PLCB1: variants seen among roughly 807,000 people sequenced by gnomAD.
PLCB1 encodes the protein 1-phosphatidylinositol 4,5-bisphosphate phosphodiesterase beta-1.
Under a neutral mutation model 161.8 loss-of-function variants are expected in PLCB1, and 46 were observed. The ratio of observed to expected loss-of-function variants is 0.28; its 90% CI spans 0.22 to 0.36. The LOEUF (loss-of-function observed/expected upper bound fraction) is 0.36, where lower values mean the gene tolerates loss of function less well. PLCB1 is among the 10% of genes least tolerant of loss of function. PLCB1 has a pLI of 1.00. For synonymous variants in PLCB1, 517 were observed against 503.7 expected (o/e 1.03, Z -0.35); for missense variants, 1,016 against 1,472.5 (o/e 0.69, Z 5.07).
chr20:8,818,453 A>G (rs1985178857), intron 31 of PLCB1, among the ~76,000 whole-genome samples: 2 of 152,216 alleles, frequency 1.3e-5, no homozygotes, highest in African/African-American at 4.8e-5. Flanking sequence ...GCAGTAAGAC[A>G]AGAAGAATAA....
chr20:8,764,609 C>A (rs956297540), intron 25 of PLCB1, among the ~76,000 whole-genome samples: 1 of 152,136 alleles, frequency 6.6e-6, no homozygotes, highest in Non-Finnish European at 1.5e-5. Flanking sequence ...TTGCCCTCAA[C>A]CAAAAGGAAG....
chr20:8,600,374 G>C lies in PLCB1; in HGVS notation c.247-27920G>C, dbSNP rs1428007940. Reference sequence around the variant, plus strand: ...ATACCCTGCCGTGTGAGGTGTCAGTGTGCCCCTGCTGGGGGGTGCCTCCCA... The same window carrying C: ...ATACCCTGCCGTGTGAGGTGTCAGTCTGCCCCTGCTGGGGGGTGCCTCCCA... On this transcript the variant is annotated intron_variant, in intron 3 of 31. Coordinates refer to ENST00000338037, the MANE Select transcript of PLCB1 (RefSeq NM_015192.4). 2.9e-4 allele frequency among the ~76,000 whole-genome samples: 33 copies of C among 114,562 alleles called. 1 individual carries two copies. Among genetic ancestry groups the C allele is most frequent in the African/African-American group, 8.7e-4 (24 of 27,440 alleles). 75.2% of individuals were successfully genotyped at this position (114,562 alleles called of 152,430 possible). A position where few individuals can be genotyped will look rare whatever the true frequency, so the allele number is the denominator to read the frequency against.
chr20:8,523,867 A>G lies in PLCB1; in HGVS notation c.247-104427A>G, dbSNP rs1009158873. ...AGTGAGACACAGAGGAAGCAACTCCACGGATGCAGAAACCATGCCACCCAG... is the reference window on the plus strand; with the variant it reads ...AGTGAGACACAGAGGAAGCAACTCCGCGGATGCAGAAACCATGCCACCCAG... On this transcript the variant is annotated intron_variant, in intron 3 of 31. Coordinates refer to ENST00000338037, the MANE Select transcript of PLCB1 (RefSeq NM_015192.4). Among the ~76,000 whole-genome samples, 34 of 152,052 alleles carry G rather than the reference A, an allele frequency of 2.2e-4. 2 individuals are homozygous for G. The highest frequency in any genetic ancestry group is 2.0e-4 in the Admixed American group (3 of 15,244).
At chr20:8,271,959 G>A (rs1187100166) in intron 2 of PLCB1, among the ~76,000 whole-genome samples, 1 of 152,014 alleles carries the variant, frequency 6.6e-6, no homozygotes, top group Non-Finnish European at 1.5e-5. Context: ...AGATTTCTAA[G>A]GAATAATGAC....
intron 2 of PLCB1, among the ~76,000 whole-genome samples, chr20:8,232,048 A>C (rs887364030): frequency 6.6e-6 from 1 of 152,062 alleles, no homozygotes; most frequent in Non-Finnish European, 1.5e-5. Context: ...AACCTAAAAG[A>C]TTATGCATTC....
intron 3 of PLCB1, among the ~76,000 whole-genome samples, chr20:8,601,827 G>GA (rs1327964244): frequency 5.3e-5 from 8 of 152,214 alleles, no homozygotes; most frequent in South Asian, 2.1e-4. Context: ...GTTTGCAATG[G>GA]AAAATTTGTC....
intron 14 of PLCB1, 95 bp from the exon 15 acceptor site, chr20:8,722,259 A>G (rs1979683836): frequency 1.5e-5 from 13 of 896,134 alleles, no homozygotes; most frequent in Non-Finnish European, 2.2e-5. Context: ...TTCCAAGGAA[A>G]TCTGTAATTG....
intron 18 of PLCB1, 150 bp from the exon 19 acceptor site, chr20:8,733,088 C>T: frequency 2.6e-6 from 2 of 755,644 alleles, no homozygotes; most frequent in Admixed American, 2.7e-5. Flanking sequence ...TAATTTTTTT[C>T]TTATCTGTGT....
chr20:8,136,420 A>T (rs2051348307), intron 1 of PLCB1, among the ~76,000 whole-genome samples: 1 of 152,048 alleles, frequency 6.6e-6, no homozygotes, highest in African/African-American at 2.4e-5. Context: ...AGACCAGGAG[A>T]TCGAGACCAT....
At chr20:8,368,544 A>G (rs991121142) in intron 2 of PLCB1, among the ~76,000 whole-genome samples, 17 of 151,392 alleles carry the variant, frequency 1.1e-4, no homozygotes, top group African/African-American at 3.1e-4. Context: ...AAAAAAAAAA[A>G]AAAAAAGAAA....
chr20:8,292,508 G>T (rs937747235), intron 2 of PLCB1, among the ~76,000 whole-genome samples: 10 of 152,018 alleles, frequency 6.6e-5, no homozygotes, highest in Non-Finnish European at 1.2e-4. Context: ...TTTAAAATGG[G>T]TGCATAATCT....
chr20:8,417,126 G>T (rs10153974), intron 3 of PLCB1, among the ~76,000 whole-genome samples: 18 of 105,404 alleles, frequency 1.7e-4, no homozygotes, highest in Admixed American at 3.1e-4. Flanking sequence ...TCACTCTGTC[G>T]CCCAGGCTGG....
At chr20:8,296,647 C>G (rs1983644659) in intron 2 of PLCB1, among the ~76,000 whole-genome samples, 1 of 152,130 alleles carries the variant, frequency 6.6e-6, no homozygotes, top group Non-Finnish European at 1.5e-5. Flanking sequence ...AATTATGTCT[C>G]CTTGTTTGGC....
intron 3 of PLCB1, among the ~76,000 whole-genome samples, chr20:8,413,927 G>A (rs777977250): frequency 3.3e-5 from 5 of 152,118 alleles, no homozygotes; most frequent in Non-Finnish European, 4.4e-5. Flanking sequence ...AATTCATGCT[G>A]TATTTGAACT....
intron 31 of PLCB1, among the ~76,000 whole-genome samples, chr20:8,815,362 A>C (rs1985036797): frequency 6.6e-6 from 1 of 152,222 alleles, no homozygotes; most frequent in African/African-American, 2.4e-5. Context: ...TCTGGTGTTC[A>C]GACTGTAGTG....
intron 3 of PLCB1, among the ~76,000 whole-genome samples, chr20:8,492,671 G>A (rs2122780836): frequency 6.6e-6 from 1 of 152,180 alleles, no homozygotes; most frequent in Non-Finnish European, 1.5e-5. Flanking sequence ...CTGTGCCTAA[G>A]TGATAATGTA....
intron 27 of PLCB1, among the ~76,000 whole-genome samples, chr20:8,784,562 CA>C (rs5840284): frequency 0.9 from 123,386 of 137,620 alleles, 55,414 homozygotes; most frequent in East Asian, 0.99. Context: ...CACTGTATCT[CA>C]AAAAAAAAAA....
chr20:8,373,496 G>A (rs1041208018), intron 3 of PLCB1, among the ~76,000 whole-genome samples: 1 of 152,082 alleles, frequency 6.6e-6, no homozygotes, highest in Non-Finnish European at 1.5e-5. Flanking sequence ...GAATTACCTG[G>A]GAAACTTTCA....
chr20:8,552,739 T>C (rs564947480), intron 3 of PLCB1, among the ~76,000 whole-genome samples: 1 of 152,212 alleles, frequency 6.6e-6, no homozygotes, highest in East Asian at 1.9e-4. Flanking sequence ...CCCAGATATG[T>C]TTTGTGGATT....
Sources: allele counts gnomAD v4.1 joint callset (sites outside exome capture counted in the v4.1 genomes callset), GRCh38; gene constraint gnomAD v4.1.1; transcripts MANE v1.5; gene names NCBI Gene and HGNC (gene_info 2026-07-23, HGNC 2026-07-21).